Variants in ERC1 observed in about 807,000 individuals in gnomAD.
The protein encoded by ERC1 is ELKS/RAB6-interacting/CAST family member 1, also known as RAB6 interacting protein 2.
ERC1 carries 56 observed loss-of-function variants against 132.0 expected under a neutral mutation model. The ratio of observed to expected loss-of-function variants is 0.42; its 90% CI spans 0.34 to 0.53. The LOEUF is 0.53. Among genes scored for constraint, ERC1 ranks in the 20% least tolerant of loss-of-function variants. The pLI is 0.03. For synonymous variants in ERC1, 478 were observed against 476.1 expected (o/e 1.00, Z -0.05); for missense variants, 1,202 against 1,349.9 (o/e 0.89, Z 1.72).
chr12:1,157,994 A>G (rs1187332469), intron 8 of ERC1, among the ~76,000 whole-genome samples: 1 of 152,238 alleles, frequency 6.6e-6, no homozygotes, highest in African/African-American at 2.4e-5. Context: ...TTCATTCATT[A>G]TAAGTGGACA....
chr12:1,219,635 C>CTCTT (rs1555312681), intron 12 of ERC1, among the ~76,000 whole-genome samples: 9 of 140,742 alleles, frequency 6.4e-5, no homozygotes, highest in South Asian at 2.2e-4. Context: ...ACTGAACTCT[C>CTCTT]TTTTTTTTTT....
At chr12:1,196,802 C>G (rs1379818208) in intron 12 of ERC1, among the ~76,000 whole-genome samples, 1 of 125,438 alleles carries the variant, frequency 8.0e-6, no homozygotes, top group Non-Finnish European at 1.6e-5. Context: ...TGTGCGCACG[C>G]TATTTCTCTC....
chr12:1,072,839 T>C (rs1021063442), intron 2 of ERC1, among the ~76,000 whole-genome samples: 1 of 152,100 alleles, frequency 6.6e-6, no homozygotes, highest in Non-Finnish European at 1.5e-5. Context: ...ATTACAGGCA[T>C]GCACCACCAT....
intron 13 of ERC1, among the ~76,000 whole-genome samples, chr12:1,253,417 C>A (rs1407945974): frequency 2.0e-5 from 3 of 152,098 alleles, no homozygotes; most frequent in Non-Finnish European, 4.4e-5. Context: ...TGGCTCACAC[C>A]TGTAATCCCA....
chr12:1,025,218 G>A (rs1966844641), intron 1 of ERC1, among the ~76,000 whole-genome samples: 1 of 152,122 alleles, frequency 6.6e-6, no homozygotes, highest in Non-Finnish European at 1.5e-5. Flanking sequence ...AAATTCAGGT[G>A]CTTTATGGTA....
intron 3 of ERC1, among the ~76,000 whole-genome samples, chr12:1,102,497 TAGG>T (rs1944780541): frequency 6.6e-6 from 1 of 152,046 alleles, no homozygotes; most frequent in African/African-American, 2.4e-5. Context: ...GTATGAGAAA[TAGG>T]AGGTGTACAA....
intron 12 of ERC1, among the ~76,000 whole-genome samples, chr12:1,202,595 T>C (rs1457767710): frequency 6.6e-6 from 1 of 152,068 alleles, no homozygotes; most frequent in African/African-American, 2.4e-5. Flanking sequence ...AAGTAGAGTT[T>C]GCAGTGAGCC....
intron 13 of ERC1, among the ~76,000 whole-genome samples, chr12:1,251,289 A>C (rs145300187): frequency 0.01 from 1,527 of 152,198 alleles, 18 homozygotes; most frequent in Non-Finnish European, 0.017. Context: ...TAATATATTA[A>C]TGTTCCTGTT....
At chr12:1,118,340 C>T (rs1946683864) in intron 7 of ERC1, among the ~76,000 whole-genome samples, 1 of 152,210 alleles carries the variant, frequency 6.6e-6, no homozygotes, top group Non-Finnish European at 1.5e-5. Context: ...CCTTGGCAAT[C>T]CATGCTTCTC....
At chr12:1,445,915 T>A (rs996859401) in intron 18 of ERC1, among the ~76,000 whole-genome samples, 1 of 152,120 alleles carries the variant, frequency 6.6e-6, no homozygotes, top group African/African-American at 2.4e-5. Flanking sequence ...CAGCAGACAT[T>A]TATTGCTTTC....
rs1308548158 is a variant in ERC1 at position 1,251,298 on chromosome 12, T to C, written c.2488-11736T>C. ...TACATCTAATATATTAATGTTCCTG[T>C]TTTTGCAAAAATAAATTTTGATTTC... On this transcript the variant is annotated intron_variant, in intron 13 of 18. Coordinates refer to ENST00000360905, the MANE Select transcript of ERC1 (RefSeq NM_178040.4). 4.6e-5 allele frequency among the ~76,000 whole-genome samples: 7 copies of C among 152,248 alleles called. No homozygotes were observed. The East Asian group carries it at 1.2e-3, about 25-fold the overall frequency.
At chr12:1,051,316 T>C (rs1971923602) in intron 2 of ERC1, among the ~76,000 whole-genome samples, 1 of 151,982 alleles carries the variant, frequency 6.6e-6, no homozygotes, top group Non-Finnish European at 1.5e-5. Flanking sequence ...GATTTAGAGG[T>C]TAAAAAGCAT....
At chr12:1,211,427 C>T (rs183326845) in intron 12 of ERC1, among the ~76,000 whole-genome samples, 22 of 151,888 alleles carry the variant, frequency 1.4e-4, no homozygotes, top group African/African-American at 3.9e-4. Flanking sequence ...GGATTACAGG[C>T]GTGAGCCACC....
chr12:1,322,047 G>C (rs563045437), intron 15 of ERC1, among the ~76,000 whole-genome samples: 3 of 149,598 alleles, frequency 2.0e-5, no homozygotes, highest in South Asian at 2.1e-4. Flanking sequence ...GGCATCCTCT[G>C]TGTTTTGATG....
At chr12:1,115,711 TC>T in intron 6 of ERC1, 154 bp from the exon 7 acceptor site, 1 of 590,158 alleles carries the variant, frequency 1.7e-6, no homozygotes. Flanking sequence ...GTTGGGGAGA[TC>T]CAAGGTTATG....
At chr12:1,191,768 G>A (rs1422334101) in intron 12 of ERC1, among the ~76,000 whole-genome samples, 1 of 151,594 alleles carries the variant, frequency 6.6e-6, no homozygotes. Flanking sequence ...ATAAAAGTTG[G>A]AAAAAGCACT....
intron 11 of ERC1, among the ~76,000 whole-genome samples, chr12:1,185,554 G>A (rs1954987529): frequency 6.6e-6 from 1 of 151,574 alleles, no homozygotes; most frequent in African/African-American, 2.4e-5. Flanking sequence ...TGGCATCCTG[G>A]AATAGTGTGG....
At chr12:1,476,931 T>C (rs573732541) in intron 18 of ERC1, among the ~76,000 whole-genome samples, 145 of 152,240 alleles carry the variant, frequency 9.5e-4, no homozygotes, top group Non-Finnish European at 1.6e-3. Flanking sequence ...TAAATTATTT[T>C]AGAAGAATAT....
intron 1 of ERC1, among the ~76,000 whole-genome samples, chr12:1,008,814 T>G (rs1290850641): frequency 6.6e-6 from 1 of 152,212 alleles, no homozygotes; most frequent in Non-Finnish European, 1.5e-5. Context: ...AAGTATCGGT[T>G]TTTAAAGTTT....
Sources: gnomAD v4.1 joint callset for allele counts (sites outside exome capture counted in the v4.1 genomes callset) on GRCh38, gnomAD v4.1.1 for gene constraint, MANE v1.5 for transcripts, NCBI Gene and HGNC (gene_info 2026-07-23, HGNC 2026-07-21) for gene names.